SCHIP1: variants seen among roughly 807,000 people sequenced by gnomAD.
SCHIP1 encodes schwannomin interacting protein 1.
Under a neutral mutation model 29.7 loss-of-function variants are expected in SCHIP1, and 8 were observed. That is an observed-to-expected ratio of 0.27 (90% CI 0.16 to 0.49). The LOEUF (loss-of-function observed/expected upper bound fraction) is 0.49, where lower values mean the gene tolerates loss of function less well. Ranked by LOEUF, SCHIP1 falls within the 20% of genes least tolerant of loss-of-function variation. SCHIP1 has a pLI of 0.99. For synonymous variants in SCHIP1, 76 were observed against 94.9 expected, an observed-to-expected ratio of 0.80 and a Z score of 1.16; for missense variants, 193 against 294.6, an observed-to-expected ratio of 0.66 and a Z score of 2.52.
At chr3:159,473,028 A>C in the SCHIP1 span, among the ~76,000 whole-genome samples, 1 of 152,214 alleles carries the variant, frequency 6.6e-6, no homozygotes, top group East Asian at 1.9e-4. Flanking sequence ...ATATAGAAAA[A>C]TAAAAAGAAT....
the SCHIP1 span, among the ~76,000 whole-genome samples, chr3:159,591,617 C>T: frequency 1.0e-3 from 155 of 152,062 alleles, no homozygotes; most frequent in African/African-American, 2.7e-3. Context: ...TGTCCTTTTC[C>T]GGGACATGGA....
the SCHIP1 span, among the ~76,000 whole-genome samples, chr3:159,763,472 G>C: frequency 6.6e-6 from 1 of 152,142 alleles, no homozygotes; most frequent in Non-Finnish European, 1.5e-5. Context: ...ACTCTTCCCA[G>C]CGCGCCGCCC....
At chr3:159,780,135 C>A in the SCHIP1 span, among the ~76,000 whole-genome samples, 4 of 152,194 alleles carry the variant, frequency 2.6e-5, no homozygotes, top group Non-Finnish European at 5.9e-5. Context: ...AGTTCCTTCT[C>A]CTCCCCTGGC....
chr3:159,288,492 C>G, the SCHIP1 span, among the ~76,000 whole-genome samples: 1 of 152,142 alleles, frequency 6.6e-6, no homozygotes, highest in Non-Finnish European at 1.5e-5. Flanking sequence ...AACCCCAGCA[C>G]TTTGGGAGGC....
At chr3:159,810,039 C>T in the SCHIP1 span, among the ~76,000 whole-genome samples, 3 of 152,162 alleles carry the variant, frequency 2.0e-5, no homozygotes, top group Non-Finnish European at 2.9e-5. Context: ...GTAAAATTCA[C>T]CTTTTTTGTT....
the SCHIP1 span, among the ~76,000 whole-genome samples, chr3:159,806,778 T>C: frequency 1.3e-5 from 2 of 152,198 alleles, no homozygotes; most frequent in Non-Finnish European, 2.9e-5. Context: ...AGACCTGCTC[T>C]GGAGTGGAGG....
the SCHIP1 span, among the ~76,000 whole-genome samples, chr3:159,342,895 T>C: frequency 2.0e-5 from 3 of 152,356 alleles, no homozygotes; most frequent in South Asian, 4.1e-4. Context: ...TGTAAATTAG[T>C]TATGTAACCA....
the SCHIP1 span, among the ~76,000 whole-genome samples, chr3:159,546,896 C>G: frequency 1.2e-4 from 18 of 152,070 alleles, no homozygotes; most frequent in East Asian, 1.4e-3. Context: ...GTGCATGTGT[C>G]TTTATAGTAA....
the SCHIP1 span, among the ~76,000 whole-genome samples, chr3:159,755,009 G>A: frequency 6.6e-6 from 1 of 152,212 alleles, no homozygotes; most frequent in Admixed American, 6.5e-5. Flanking sequence ...GCCTGAGTGG[G>A]TGGATCACAA....
At chr3:159,591,445 GCT>G in the SCHIP1 span, among the ~76,000 whole-genome samples, 1 of 152,118 alleles carries the variant, frequency 6.6e-6, no homozygotes, top group South Asian at 2.1e-4. Context: ...TATAAATCAT[GCT>G]ACTATAAAGA....
intron 2 of SCHIP1, among the ~76,000 whole-genome samples, chr3:159,885,189 A>G (rs1716841853): frequency 1.3e-5 from 2 of 152,194 alleles, no homozygotes; most frequent in Admixed American, 6.5e-5. Context: ...GGCAGTAATA[A>G]TGCCAGAGAA....
At chr3:159,421,300 G>T in the SCHIP1 span, among the ~76,000 whole-genome samples, 10 of 152,154 alleles carry the variant, frequency 6.6e-5, no homozygotes, top group Non-Finnish European at 1.2e-4. Flanking sequence ...GTGTATTGCT[G>T]TATCATGGAA....
the SCHIP1 span, chr3:159,309,265 T>A: frequency 5.3e-6 from 1 of 189,316 alleles, no homozygotes; most frequent in Non-Finnish European, 9.8e-6. Context: ...AAAAAGGAAA[T>A]CGTATTTAAA....
At chr3:159,530,563 T>C in the SCHIP1 span, among the ~76,000 whole-genome samples, 1 of 152,188 alleles carries the variant, frequency 6.6e-6, no homozygotes, top group South Asian at 2.1e-4. Context: ...CTTTGCTCAT[T>C]CAGGCTCCCT....
the SCHIP1 span, among the ~76,000 whole-genome samples, chr3:159,631,740 T>C: frequency 6.6e-6 from 1 of 152,164 alleles, no homozygotes; most frequent in African/African-American, 2.4e-5. Context: ...ACACTCTAGA[T>C]AGTTGTGATG....
the SCHIP1 span, among the ~76,000 whole-genome samples, chr3:159,805,776 T>C: frequency 1.1e-3 from 170 of 151,638 alleles, no homozygotes; most frequent in Non-Finnish European, 1.7e-3. Flanking sequence ...CTTTCTCTTA[T>C]AAATATCAGC....
chr3:159,378,083 A>G, the SCHIP1 span, among the ~76,000 whole-genome samples: 1 of 152,100 alleles, frequency 6.6e-6, no homozygotes, highest in Non-Finnish European at 1.5e-5. Flanking sequence ...AATAATGAAA[A>G]CTCTTCAAAT....
At chr3:159,608,676 T>C in the SCHIP1 span, among the ~76,000 whole-genome samples, 1 of 152,186 alleles carries the variant, frequency 6.6e-6, no homozygotes, top group African/African-American at 2.4e-5. Flanking sequence ...CAAAGAAAGT[T>C]TGGAGACCTC....
chr3:159,895,666 T>G (rs6785153), intron 6 of SCHIP1, among the ~76,000 whole-genome samples: 23,339 of 152,052 alleles, frequency 0.15, 1,904 homozygotes, highest in Non-Finnish European at 0.18. Context: ...CAGGTCATAA[T>G]AGAGCTTGTT....
Sources: gnomAD v4.1 joint callset for allele counts (sites outside exome capture counted in the v4.1 genomes callset) on GRCh38, gnomAD v4.1.1 for gene constraint, MANE v1.5 for transcripts, NCBI Gene and HGNC (gene_info 2026-07-23, HGNC 2026-07-21) for gene names.